CYP20A1: variants seen among roughly 807,000 people sequenced by gnomAD.
The protein encoded by CYP20A1 is cytochrome P450 20A1.
Under a neutral mutation model 61.4 loss-of-function variants are expected in CYP20A1, and 61 were observed. The ratio of observed to expected loss-of-function variants is 0.99; its 90% CI spans 0.81 to 1.23. The LOEUF (loss-of-function observed/expected upper bound fraction) is 1.23. CYP20A1 is among the 50% of genes most tolerant of loss of function. CYP20A1 has a pLI of 0.00. For missense variants in CYP20A1, 530 were observed against 542.4 expected (o/e 0.98, Z 0.23); for synonymous variants, 193 against 188.2 (o/e 1.03, Z -0.21).
chr2:203,239,202 C>G (rs892830347), intron 1 of CYP20A1, 68 bp downstream of exon 1: 2 of 1,347,764 alleles, frequency 1.5e-6, no homozygotes, highest in Non-Finnish European at 1.1e-6. Context: ...GGCATCCAGG[C>G]CAACCTGCCC....
At chr2:203,273,650 A>G (rs922989850) in intron 6 of CYP20A1, among the ~76,000 whole-genome samples, 2 of 152,172 alleles carry the variant, frequency 1.3e-5, no homozygotes, top group African/African-American at 4.8e-5. Context: ...AATTTAAAAA[A>G]TTAGCAACAT....
rs2069069480 is a variant in CYP20A1 at position 203,302,749 on chromosome 2, G to A, written c.*5841G>A. ...CTCACTGTCACCAGGCTGGAATGCA[G>A]TGGCGTGATCTCGGCTCACTGCAAC... On this transcript the variant is annotated 3_prime_UTR_variant, in exon 13 of 13. Transcript: ENST00000356079. Among the ~76,000 whole-genome samples, 1 of 152,086 alleles carries A rather than the reference G, an allele frequency of 6.6e-6. No homozygotes were observed. Among genetic ancestry groups the A allele is most frequent in the Non-Finnish European group, 1.5e-5 (1 of 68,018 alleles).
chr2:203,296,627 C>G (rs894075932), intron 12 of CYP20A1, 64 bp downstream of exon 12: 53 of 1,422,962 alleles, frequency 3.7e-5, no homozygotes, highest in South Asian at 6.5e-5. Flanking sequence ...TGAGAATGGG[C>G]AATCTGTATG....
intron 1 of CYP20A1, 92 bp from the exon 2 acceptor site, chr2:203,245,754 C>G (rs777076225): frequency 1.6e-6 from 1 of 614,786 alleles, no homozygotes; most frequent in East Asian, 3.1e-5. Flanking sequence ...AATTGGAAAG[C>G]TATTATTTAA....
At chr2:203,270,108 A>G (rs1022213673) in intron 5 of CYP20A1, among the ~76,000 whole-genome samples, 1 of 152,000 alleles carries the variant, frequency 6.6e-6, no homozygotes, top group African/African-American at 2.4e-5. Flanking sequence ...AACGACAGGA[A>G]AATTTGCTGC....
chr2:203,295,618 T>G (rs2068757509), intron 11 of CYP20A1, among the ~76,000 whole-genome samples: 1 of 152,190 alleles, frequency 6.6e-6, no homozygotes, highest in Non-Finnish European at 1.5e-5. Flanking sequence ...ATACCTTGGT[T>G]TTCTCGAGAA....
chr2:203,289,748 A>C lies in CYP20A1; in HGVS notation c.972-17A>C. ...CTCCCAAAATAAACATCTTCAAAAA[A>C]AATTTTTTTAAAACAGATATTGTCA... is the stretch of plus-strand genomic sequence containing the variant. On this transcript the variant is annotated splice_polypyrimidine_tract_variant and intron_variant, in intron 9 of 12. Coordinates refer to ENST00000356079, the MANE Select transcript of CYP20A1 (RefSeq NM_177538.3). 6.6e-7 allele frequency: 1 copy of C among 1,506,458 alleles called. No individual in the cohort carries two copies. Among genetic ancestry groups the C allele is most frequent in the Non-Finnish European group, 9.0e-7 (1 of 1,115,790 alleles). 93.3% of individuals were successfully genotyped at this position (1,506,458 alleles called of 1,614,324 possible).
At chr2:203,260,087 C>T (rs375893842) in intron 4 of CYP20A1, among the ~76,000 whole-genome samples, 1 of 150,606 alleles carries the variant, frequency 6.6e-6, no homozygotes, top group African/African-American at 2.4e-5. Flanking sequence ...CCACCATGCC[C>T]AGCTAAATTT....
intron 2 of CYP20A1, among the ~76,000 whole-genome samples, 162 bp from the exon 3 acceptor site, chr2:203,246,593 T>C (rs376811748): frequency 1.3e-5 from 2 of 152,362 alleles, no homozygotes; most frequent in Admixed American, 6.5e-5. Context: ...TATAGAAATA[T>C]AGCAAGAAGG....
At chr2:203,253,688 A>G (rs909244306) in intron 4 of CYP20A1, among the ~76,000 whole-genome samples, 5 of 152,246 alleles carry the variant, frequency 3.3e-5, no homozygotes, top group Non-Finnish European at 5.9e-5. Context: ...GTGAGCTTGT[A>G]GCTGCATTGA....
intron 8 of CYP20A1, among the ~76,000 whole-genome samples, chr2:203,283,593 G>A (rs2068136724): frequency 6.9e-6 from 1 of 144,826 alleles, no homozygotes; most frequent in Admixed American, 7.1e-5. Context: ...TCTGTCACCA[G>A]GCTGGAGTGC....
chr2:203,278,816 G>A, intron 7 of CYP20A1, 128 bp downstream of exon 7: 1 of 545,888 alleles, frequency 1.8e-6, no homozygotes, highest in Non-Finnish European at 3.3e-6. Flanking sequence ...AGAGATCAAG[G>A]CCAACTTGGG....
chr2:203,253,973 A>G (rs1341868187), intron 4 of CYP20A1, among the ~76,000 whole-genome samples: 1 of 151,460 alleles, frequency 6.6e-6, no homozygotes, highest in Non-Finnish European at 1.5e-5. Context: ...TTTGATACAG[A>G]GTCTCACTCT....
chr2:203,284,901 A>T (rs1406619931), intron 8 of CYP20A1, among the ~76,000 whole-genome samples: 1 of 151,754 alleles, frequency 6.6e-6, no homozygotes, highest in Non-Finnish European at 1.5e-5. Context: ...ACACACCACC[A>T]CACCCAGCTG....
At chr2:203,274,254 C>T (rs2067723400) in intron 6 of CYP20A1, among the ~76,000 whole-genome samples, 1 of 150,794 alleles carries the variant, frequency 6.6e-6, no homozygotes, top group South Asian at 2.1e-4. Context: ...GGTGCGGTCA[C>T]GGCTCACTGC....
At chr2:203,247,330 CCAA>C (rs1329177949) in intron 3 of CYP20A1, among the ~76,000 whole-genome samples, 1 of 152,006 alleles carries the variant, frequency 6.6e-6, no homozygotes, top group Non-Finnish European at 1.5e-5. Flanking sequence ...ATAGGAATAG[CCAA>C]CATTTATTGA....
intron 9 of CYP20A1, among the ~76,000 whole-genome samples, chr2:203,288,525 G>A (rs185496191): frequency 1.3e-5 from 2 of 152,076 alleles, no homozygotes; most frequent in African/African-American, 2.4e-5. Flanking sequence ...ACTAGATTCT[G>A]AACCCCTTTG....
chr2:203,255,173 A>G (rs2066850070), intron 4 of CYP20A1, among the ~76,000 whole-genome samples: 1 of 151,964 alleles, frequency 6.6e-6, no homozygotes, highest in Admixed American at 6.6e-5. Flanking sequence ...TTTCCTTCCC[A>G]TGTATTTTCC....
In CYP20A1 at chr2:203,294,941, A is replaced by ATTTTTTTTT. The variant is rs1167546590; in HGVS notation, c.1149-1512_1149-1504dup. On this transcript the variant is annotated intron_variant, in intron 11 of 12. Coordinates refer to ENST00000356079, the MANE Select transcript of CYP20A1 (RefSeq NM_177538.3). ...GCCACTGTGCCCAGCCTTTAAAAAAATTTTTTTTTTTTTTTTTTTTTTTTT... is the reference window on the plus strand; with the variant it reads ...GCCACTGTGCCCAGCCTTTAAAAAAATTTTTTTTTTTTTTTTTTTTTTTTTTTTTTTTTT... Among the ~76,000 whole-genome samples the ATTTTTTTTT allele has an allele frequency of 6.0e-3, 271 of 45,446 alleles. 24 individuals are homozygous for ATTTTTTTTT. The highest frequency in any genetic ancestry group is 7.0e-3 in the African/African-American group (83 of 11,850). The allele number at this position is 45,446 out of a possible 152,430, so 29.8% of individuals were successfully genotyped here. A position where few individuals can be genotyped will look rare whatever the true frequency, so the allele number is the denominator to read the frequency against.
Sources: gnomAD v4.1 joint callset for allele counts (sites outside exome capture counted in the v4.1 genomes callset) on GRCh38, gnomAD v4.1.1 for gene constraint, MANE v1.5 for transcripts, NCBI Gene and HGNC (gene_info 2026-07-23, HGNC 2026-07-21) for gene names.